GARNL3: variants seen among roughly 807,000 people sequenced by gnomAD.
GARNL3 encodes the protein GTPase-activating Rap/Ran-GAP domain-like protein 3.
In GARNL3, 63 loss-of-function variants were observed where a neutral mutation model predicts 125.0. The ratio of observed to expected loss-of-function variants is 0.50; its 90% CI spans 0.41 to 0.62. The LOEUF is 0.62. Ranked by LOEUF, GARNL3 falls within the 20% of genes least tolerant of loss-of-function variation. The pLI, the probability that GARNL3 is intolerant of heterozygous loss-of-function variation, is 0.00. For synonymous variants in GARNL3, 439 were observed against 457.5 expected (o/e 0.96, Z 0.52); for missense variants, 994 against 1,244.0 (o/e 0.80, Z 3.02).
Position 127,338,105 on chromosome 9 carries a change from C to T in GARNL3, c.983-11C>T. 1 of 1,600,180 alleles carries T rather than the reference C, an allele frequency of 6.2e-7. No individual in the cohort carries two copies. The highest frequency in any genetic ancestry group is 8.6e-7 in the Non-Finnish European group (1 of 1,167,284). ...CAGTGTTGTGATTAGTTCCCTTAAC[C>T]ATCACCACAGATATTTTTGCCTTAG... is the stretch of plus-strand genomic sequence containing the variant. On this transcript the variant is annotated splice_polypyrimidine_tract_variant and intron_variant, in intron 11 of 27. Coordinates refer to ENST00000373387, the MANE Select transcript of GARNL3 (RefSeq NM_032293.5).
chr9:127,383,448 C>G lies in GARNL3; in HGVS notation c.2172C>G (p.Ile724Met). The change falls in exon 23 of 28, where the codon ATC becomes ATG. Residue 724 changes from isoleucine to methionine, a missense_variant. By Grantham distance (10) the Ile-to-Met change is conservative. Around this residue, in one of 5 missense-constraint regions of GARNL3, gnomAD observed 728 missense variants for 865.7 expected, o/e 0.84. Transcript: ENST00000373387. Reference sequence around the variant, plus strand: ...TTGTTTTCATTGCAGACAGTTGCATCTATAAAAAGGTTTGCCCCTTTAATG... The same window carrying G: ...TTGTTTTCATTGCAGACAGTTGCATGTATAAAAAGGTTTGCCCCTTTAATG... ...GLLLCYNYSCIYKKVCPFNGG... is the reference protein window; with the variant it reads ...GLLLCYNYSCMYKKVCPFNGG... 2 of 1,606,378 alleles carry G rather than the reference C, an allele frequency of 1.2e-6. No homozygotes were observed. The highest frequency in any genetic ancestry group is 1.3e-5 in the African/African-American group (1 of 74,692).
intron 2 of GARNL3, among the ~76,000 whole-genome samples, chr9:127,247,496 C>T (rs187201122): frequency 6.6e-6 from 1 of 152,292 alleles, no homozygotes; most frequent in Admixed American, 6.5e-5. Flanking sequence ...TTGCCAGCCT[C>T]CCTGTCTCCT....
chr9:127,311,767 AG>A (rs2065104403), intron 3 of GARNL3, 32 bp downstream of exon 3: 6 of 1,443,802 alleles, frequency 4.2e-6, no homozygotes, highest in Non-Finnish European at 5.8e-6. Flanking sequence ...TAGGGAAGAA[AG>A]GGTATTCAAA....
At chr9:127,391,700 CA>C (rs11357196) in intron 27 of GARNL3, among the ~76,000 whole-genome samples, 20,338 of 76,684 alleles carry the variant, frequency 0.27, 1,542 homozygotes, top group East Asian at 0.49. Context: ...GACCCCGTGT[CA>C]AAAAAAAAAA....
At chr9:127,338,545 G>A (rs1257151215) in intron 12 of GARNL3, among the ~76,000 whole-genome samples, 1 of 152,142 alleles carries the variant, frequency 6.6e-6, no homozygotes, top group Non-Finnish European at 1.5e-5. Flanking sequence ...ATTTGAGTTC[G>A]AATCCCAGTT....
rs939273797 is a variant in GARNL3, at chr9:127,385,560, TGATTA to T, written c.2388+416_2388+420del. ...TCTTAGCCTATGAAACATGGCTAAT[TGATTA>T]ATCCCTGCCTCATAACCCACAGCTA... On this transcript the variant is annotated intron_variant, in intron 24 of 27. Coordinates refer to ENST00000373387, the MANE Select transcript of GARNL3 (RefSeq NM_032293.5). This position sits in a 1 kb window ranked among gnomAD's most constrained non-coding sequence, Gnocchi z 4.1. 3.9e-5 allele frequency among the ~76,000 whole-genome samples: 6 copies of T among 152,210 alleles called. No individual in the cohort carries two copies. Among genetic ancestry groups the T allele is most frequent in the Admixed American group, 1.3e-4 (2 of 15,272 alleles).
intron 13 of GARNL3, among the ~76,000 whole-genome samples, chr9:127,341,316 G>A (rs897685555): frequency 1.3e-5 from 2 of 152,238 alleles, no homozygotes; most frequent in Non-Finnish European, 2.9e-5. Flanking sequence ...GCATGAGCAA[G>A]TGAGGCGGGC....
intron 22 of GARNL3, among the ~76,000 whole-genome samples, chr9:127,374,945 T>A (rs937496619): frequency 1.3e-4 from 19 of 151,676 alleles, no homozygotes; most frequent in East Asian, 5.8e-4. Context: ...AAAACTTTTT[T>A]AAAAAACTAT....
intron 22 of GARNL3, among the ~76,000 whole-genome samples, chr9:127,375,480 A>AG (rs1406774836): frequency 1.3e-5 from 2 of 152,012 alleles, no homozygotes; most frequent in African/African-American, 4.8e-5. Context: ...AAAAAAAAAA[A>AG]AAAGAAAAGA....
chr9:127,299,374 C>G (rs754214925), intron 2 of GARNL3, among the ~76,000 whole-genome samples: 1 of 150,514 alleles, frequency 6.6e-6, no homozygotes, highest in African/African-American at 2.4e-5. Flanking sequence ...TTTTATTTGA[C>G]TAAATTCTAT....
intron 2 of GARNL3, among the ~76,000 whole-genome samples, chr9:127,308,901 G>C (rs1412325736): frequency 6.6e-6 from 1 of 152,122 alleles, no homozygotes. Flanking sequence ...GTGTGTTGGG[G>C]GTTGTGAACA....
chr9:127,324,801 C>T (rs928097517), intron 6 of GARNL3, among the ~76,000 whole-genome samples: 66 of 152,264 alleles, frequency 4.3e-4, no homozygotes, highest in Non-Finnish European at 3.1e-4. Context: ...GTTAAGAATG[C>T]GACAGCAGGG....
chr9:127,247,602 T>C (rs1012035881), intron 2 of GARNL3, among the ~76,000 whole-genome samples: 2 of 152,252 alleles, frequency 1.3e-5, no homozygotes, highest in African/African-American at 2.4e-5. Context: ...AATTTTGTTA[T>C]TTATATTTTT....
chr9:127,312,039 A>G (rs2065111795), intron 3 of GARNL3, among the ~76,000 whole-genome samples: 1 of 152,220 alleles, frequency 6.6e-6, no homozygotes, highest in Non-Finnish European at 1.5e-5. Context: ...GTGGAAAAAC[A>G]ACTTTAGACC....
At chr9:127,281,204 A>AT (rs377633151) in intron 1 of GARNL3, among the ~76,000 whole-genome samples, 5 of 152,196 alleles carry the variant, frequency 3.3e-5, no homozygotes, top group African/African-American at 1.2e-4. Context: ...GGTAGGTCCC[A>AT]TGATGCCACA....
intron 16 of GARNL3, among the ~76,000 whole-genome samples, chr9:127,346,084 A>G (rs550109168): frequency 1.4e-4 from 21 of 152,338 alleles, no homozygotes; most frequent in African/African-American, 4.6e-4. Flanking sequence ...CAGCCAGCCA[A>G]AAAATTCTTT....
At chr9:127,289,223 C>T (rs2064340388) in intron 1 of GARNL3, among the ~76,000 whole-genome samples, 1 of 152,132 alleles carries the variant, frequency 6.6e-6, no homozygotes, top group Admixed American at 6.6e-5. Flanking sequence ...AGAGACAGTC[C>T]ACCAGATTAC....
Position 127,383,449 on chromosome 9 carries a change from T to C in GARNL3, c.2173T>C (p.Tyr725His), listed in dbSNP as rs914866755. The change falls in exon 23 of 28, where the codon TAT becomes CAT. Residue 725 changes from tyrosine (Y) to histidine (H), a missense_variant. Tyr to His is a moderately conservative substitution (Grantham distance 83). Transcript: ENST00000373387. ...LLLCYNYSCI[Y>H]KKVCPFNGGS... is the part of the protein sequence containing the mutation. ...TGTTTTCATTGCAGACAGTTGCATC[T>C]ATAAAAAGGTTTGCCCCTTTAATGG... The C allele has an allele frequency of 1.1e-5, 17 of 1,606,972 alleles. No homozygotes were observed. Among genetic ancestry groups the C allele is most frequent in the Non-Finnish European group, 1.4e-5 (17 of 1,176,120 alleles).
chr9:127,372,603 G>GT (rs1374473102), intron 22 of GARNL3, among the ~76,000 whole-genome samples: 1 of 152,144 alleles, frequency 6.6e-6, no homozygotes, highest in Non-Finnish European at 1.5e-5. Context: ...TGTAATATAT[G>GT]TTTTATCTGA....
Sources: gnomAD v4.1 joint callset for allele counts (sites outside exome capture counted in the v4.1 genomes callset) on GRCh38, gnomAD v4.1.1 for gene constraint, gnomAD v4.1.1 regional missense constraint, Gnocchi (gnomAD v3.1) non-coding constraint, MANE v1.5 for transcripts, NCBI Gene and HGNC (gene_info 2026-07-23, HGNC 2026-07-21) for gene names.